Variants in LRRFIP1 observed in about 807,000 individuals in gnomAD.
The protein encoded by LRRFIP1 is LRR binding FLII interacting protein 1, also known as leucine-rich repeat flightless-interacting protein 1.
Under a neutral mutation model 104.4 loss-of-function variants are expected in LRRFIP1, and 62 were observed. The observed-to-expected ratio is 0.59, with a 90% confidence interval of 0.48 to 0.73. The LOEUF is 0.73. Among genes scored for constraint, LRRFIP1 ranks in the 30% least tolerant of loss-of-function variants. The probability of loss-of-function intolerance (pLI) is 0.00; values close to 1 mark genes in which losing one functional copy is unlikely to be tolerated. For missense variants in LRRFIP1, 796 were observed against 824.5 expected, an observed-to-expected ratio of 0.97 and a Z score of 0.42; for synonymous variants, 300 against 299.0, an observed-to-expected ratio of 1.00 and a Z score of -0.03.
chr2:237,672,953 C>T lies in LRRFIP1; in HGVS notation c.97-35591C>T, dbSNP rs113975852. Among the ~76,000 whole-genome samples, 92 of 152,304 alleles carry T rather than the reference C, an allele frequency of 6.0e-4. 1 individual carries two copies. The highest frequency in any genetic ancestry group is 2.1e-3 in the African/African-American group (88 of 41,570). On this transcript the variant is annotated intron_variant, in intron 1 of 23. Coordinates refer to ENST00000308482, the MANE Select transcript of LRRFIP1 (RefSeq NM_001137550.2). ...ATGGTTGCAGTGTTTCCATTCTTCA[C>T]GAAGCATGAGAAATTCTTTTACAAT... is the stretch of plus-strand genomic sequence containing the variant.
Position 237,681,016 on chromosome 2 carries a change from CAAAT to C in LRRFIP1, c.97-27526_97-27523del, listed in dbSNP as rs530510998. ...ACAACAATGACAAAAAGAAAAAAAA[CAAAT>C]AGACTCCTGAGTTAATCTGGAAGAA... is the stretch of plus-strand genomic sequence containing the variant. On this transcript the variant is annotated intron_variant, in intron 1 of 23. Coordinates refer to ENST00000308482, the MANE Select transcript of LRRFIP1 (RefSeq NM_001137550.2). Among the ~76,000 whole-genome samples the C allele has an allele frequency of 4.3e-4, 66 of 152,162 alleles. 1 individual carries two copies. Among genetic ancestry groups the C allele is most frequent in the Middle Eastern group, 3.4e-3 (1 of 294 alleles).
chr2:237,705,495 G>T (rs1248235829), intron 1 of LRRFIP1, among the ~76,000 whole-genome samples: 1 of 151,888 alleles, frequency 6.6e-6, no homozygotes, highest in African/African-American at 2.4e-5. Flanking sequence ...AACCCTGTCT[G>T]TACAAAAAAA....
chr2:237,652,596 G>A (rs536830229), intron 1 of LRRFIP1, among the ~76,000 whole-genome samples: 7 of 152,328 alleles, frequency 4.6e-5, no homozygotes, highest in Admixed American at 2.0e-4. Context: ...AGTGTTCACC[G>A]AAAAGACCTA....
At chr2:237,664,336 G>A (rs1271384340) in intron 1 of LRRFIP1, among the ~76,000 whole-genome samples, 2 of 152,288 alleles carry the variant, frequency 1.3e-5, no homozygotes, top group East Asian at 3.8e-4. Context: ...CGCCTGGCCT[G>A]TCCACAGTGT....
rs139198912 is a variant in LRRFIP1, at chr2:237,746,278, C to T, written c.634-2086C>T. On this transcript the variant is annotated intron_variant, in intron 11 of 23. Transcript: ENST00000308482. ...TTCGCCGTGTTGGCCAGGTTGGTCT[C>T]GAACTCCTGACCTCAAATGATCTGC... 7.9e-5 allele frequency among the ~76,000 whole-genome samples: 12 copies of T among 152,228 alleles called. No homozygotes were observed. The East Asian group carries it at 1.7e-3, about 22-fold the overall frequency.
chr2:237,735,134 CA>C lies in LRRFIP1; in HGVS notation c.490-133del. On this transcript the variant is annotated intron_variant, in intron 9 of 23. Transcript: ENST00000308482. The surrounding 1 kb of genome is among the most constrained non-coding windows in gnomAD (Gnocchi z 4.6). ...TTTGAAGAGCTGGAAAGGTGGTTCT[CA>C]GCCTCCCCTGCATGCTTTTTCAGGT... The C allele has an allele frequency of 1.5e-6, 1 of 654,806 alleles. No homozygotes were observed. Among genetic ancestry groups the C allele is most frequent in the Middle Eastern group, 2.5e-4 (1 of 3,988 alleles). 40.6% of individuals were successfully genotyped at this position (654,806 alleles called of 1,614,324 possible). A position where few individuals can be genotyped will look rare whatever the true frequency, so the allele number is the denominator to read the frequency against.
intron 4 of LRRFIP1, among the ~76,000 whole-genome samples, chr2:237,719,125 G>A (rs2094450067): frequency 6.6e-6 from 1 of 152,164 alleles, no homozygotes; most frequent in African/African-American, 2.4e-5. Context: ...AGTAGAAAGA[G>A]TGACATCCTT....
intron 19 of LRRFIP1, among the ~76,000 whole-genome samples, chr2:237,762,405 C>G (rs2059965664): frequency 1.3e-5 from 2 of 152,194 alleles, no homozygotes; most frequent in Admixed American, 1.3e-4. Flanking sequence ...GGCAGTGGCC[C>G]TCACTGACCC....
chr2:237,695,033 G>T (rs903461911), intron 1 of LRRFIP1, among the ~76,000 whole-genome samples: 2 of 152,216 alleles, frequency 1.3e-5, no homozygotes, highest in African/African-American at 4.8e-5. Context: ...CCAATATGGG[G>T]ATGAATCAGT....
chr2:237,698,434 C>T (rs1255367643), intron 1 of LRRFIP1, among the ~76,000 whole-genome samples: 2 of 152,236 alleles, frequency 1.3e-5, no homozygotes, highest in Non-Finnish European at 2.9e-5. Flanking sequence ...AAACTCAGAC[C>T]TTTACTGAGA....
intron 1 of LRRFIP1, among the ~76,000 whole-genome samples, chr2:237,662,907 A>C (rs1036199513): frequency 6.6e-6 from 1 of 152,086 alleles, no homozygotes; most frequent in Non-Finnish European, 1.5e-5. Context: ...GCTCCTTTCC[A>C]CGGCAATGAC....
rs559815088 is a variant in LRRFIP1, at chr2:237,654,997, A to G, written c.96+27257A>G. On this transcript the variant is annotated intron_variant, in intron 1 of 23. Transcript: ENST00000308482. ...AATGGAGTACTCTTCAGCCTTCAACATGAAGGAGATCCTGTCATTTTCAAC... is the reference window on the plus strand; with the variant it reads ...AATGGAGTACTCTTCAGCCTTCAACGTGAAGGAGATCCTGTCATTTTCAAC... Among the ~76,000 whole-genome samples, 6 of 151,896 alleles carry G rather than the reference A, an allele frequency of 4.0e-5. No individual in the cohort carries two copies. In the South Asian group the frequency reaches 1.3e-3, roughly 32 times the overall value.
intron 1 of LRRFIP1, among the ~76,000 whole-genome samples, chr2:237,663,880 G>C (rs952263962): frequency 6.6e-6 from 1 of 152,198 alleles, no homozygotes; most frequent in Non-Finnish European, 1.5e-5. Flanking sequence ...GAGGGGAGCC[G>C]TCAGCGGTCA....
chr2:237,737,074 G>A (rs1291796139), intron 10 of LRRFIP1, among the ~76,000 whole-genome samples: 1 of 152,184 alleles, frequency 6.6e-6, no homozygotes, highest in Non-Finnish European at 1.5e-5. Flanking sequence ...TGCACAGACA[G>A]CCCTGGTCCT....
At chr2:237,701,549 G>A (rs1309636351) in intron 1 of LRRFIP1, among the ~76,000 whole-genome samples, 1 of 152,256 alleles carries the variant, frequency 6.6e-6, no homozygotes, top group Admixed American at 6.5e-5. Flanking sequence ...CCCCCAGCCT[G>A]AGCCGGGCTG....
intron 19 of LRRFIP1, chr2:237,762,473 C>T (rs2059972209): frequency 2.6e-6 from 2 of 781,044 alleles, no homozygotes; most frequent in South Asian, 2.0e-5. Flanking sequence ...GCTTGTTTCT[C>T]ATGACTCTTT....
At chr2:237,764,211 T>C in intron 19 of LRRFIP1, 1 of 1,613,500 alleles carries the variant, frequency 6.2e-7, no homozygotes, top group South Asian at 1.1e-5. Flanking sequence ...CCACTGCCAA[T>C]GTAAGTAGAA....
intron 23 of LRRFIP1, among the ~76,000 whole-genome samples, chr2:237,778,972 C>T (rs1042865820): frequency 1.3e-5 from 2 of 151,900 alleles, no homozygotes; most frequent in Non-Finnish European, 2.9e-5. Context: ...GCCTGTAATC[C>T]CAGCACTTTG....
chr2:237,661,048 G>A lies in LRRFIP1; in HGVS notation c.96+33308G>A, dbSNP rs977994784. On this transcript the variant is annotated intron_variant, in intron 1 of 23. Coordinates refer to ENST00000308482, the MANE Select transcript of LRRFIP1 (RefSeq NM_001137550.2). The surrounding 1 kb of genome is among the most constrained non-coding windows in gnomAD (Gnocchi z 4.4). ...CAGAGGCACGCAGTCCCTGTGCCCC[G>A]AGAAACTAACATGCCATCTCTGCTC... is the stretch of plus-strand genomic sequence containing the variant. 6.6e-6 allele frequency among the ~76,000 whole-genome samples: 1 copy of A among 152,154 alleles called. No individual in the cohort carries two copies. The highest frequency in any genetic ancestry group is 2.1e-4 in the South Asian group (1 of 4,824).
Sources: allele counts gnomAD v4.1 joint callset (sites outside exome capture counted in the v4.1 genomes callset), GRCh38; gene constraint gnomAD v4.1.1; non-coding constraint Gnocchi (gnomAD v3.1); transcripts MANE v1.5; gene names NCBI Gene and HGNC (gene_info 2026-07-23, HGNC 2026-07-21).